The following DIAPH2 variants were observed in gnomAD, a reference collection of about 807,000 sequenced individuals.
DIAPH2 encodes the protein diaphanous related formin 2.
Under a neutral mutation model 92.7 loss-of-function variants are expected in DIAPH2, and 35 were observed. The ratio of observed to expected loss-of-function variants is 0.38; its 90% CI spans 0.29 to 0.50. DIAPH2 has a LOEUF of 0.50. DIAPH2 is among the 20% of genes least tolerant of loss of function. The probability of loss-of-function intolerance (pLI) is 0.94; values close to 1 mark genes in which losing one functional copy is unlikely to be tolerated. For missense variants in DIAPH2, 701 were observed against 819.5 expected (o/e 0.86, Z 1.77); for synonymous variants, 301 against 280.4 (o/e 1.07, Z -0.73).
chrX:97,368,899 C>CTTTTTTTTTTTTTTTTTTTTTT, intron 24 of DIAPH2, among the ~76,000 whole-genome samples: 1 of 52,071 alleles, frequency 1.9e-5, no homozygotes, highest in East Asian at 7.7e-4. Context: ...TCTACCCTTT[C>CTTTTTTTTTTTTTTTTTTTTTT]TTTTTTTTTT....
At chrX:97,405,972 T>TCTCCCTGGGCATCCAGGGC (rs1277981029) in intron 25 of DIAPH2, among the ~76,000 whole-genome samples, 8 of 111,569 alleles carry the variant, frequency 7.2e-5, no homozygotes, top group African/African-American at 1.6e-4. Context: ...AGGAAAACCC[T>TCTCCCTGGGCATCCAGGGC]CTCCCTGGGC....
At chrX:97,237,817 G>A (rs963068514) in intron 22 of DIAPH2, among the ~76,000 whole-genome samples, 4 of 110,596 alleles carry the variant, frequency 3.6e-5, no homozygotes, top group Non-Finnish European at 7.6e-5. Flanking sequence ...TCCTGACCTC[G>A]TGATCCACCC....
rs762510335 is a variant in DIAPH2 at position 96,687,847 on chromosome X, T to C, written c.132+2657T>C. Among the ~76,000 whole-genome samples the C allele has an allele frequency of 2.7e-5, 3 of 111,841 alleles. No homozygotes were observed. The East Asian group carries it at 8.3e-4, about 31-fold the overall frequency. On this transcript the variant is annotated intron_variant, in intron 1 of 26. Transcript: ENST00000324765. The stretch of plus-strand genomic sequence containing the variant: ...GCATCCTCATAATGACCCTTTTGTT[T>C]TGATTCTTTTAAAATAAGGCATTCC...
intron 26 of DIAPH2, among the ~76,000 whole-genome samples, chrX:97,561,270 G>A (rs1394335166): frequency 8.9e-6 from 1 of 112,147 alleles, no homozygotes; most frequent in Non-Finnish European, 1.9e-5. Context: ...ATAGACATAT[G>A]AGTAGGACCA....
intron 2 of DIAPH2, among the ~76,000 whole-genome samples, chrX:96,736,024 G>A (rs996016501): frequency 9.0e-6 from 1 of 111,600 alleles, no homozygotes; most frequent in African/African-American, 3.3e-5. Flanking sequence ...TTAACCAAAT[G>A]TTTTTTAAAA....
Position 97,259,082 on chromosome X carries a change from C to T in DIAPH2, c.2844+11243C>T, listed in dbSNP as rs563810204. Among the ~76,000 whole-genome samples, 5 of 109,670 alleles carry T rather than the reference C, an allele frequency of 4.6e-5. No homozygotes were observed. In the South Asian group the frequency reaches 2.0e-3, roughly 44 times the overall value. On this transcript the variant is annotated intron_variant, in intron 23 of 26. Transcript: ENST00000324765. ...CAGCCTGGTGAACATGGTGAAAACC[C>T]GTCTCTACTAAAAATACAAAAATTA...
intron 22 of DIAPH2, among the ~76,000 whole-genome samples, chrX:97,185,208 G>A (rs1216700030): frequency 5.4e-5 from 5 of 91,871 alleles, no homozygotes; most frequent in African/African-American, 8.0e-5. Flanking sequence ...GCTGAGGCAC[G>A]AGAATCGCCT....
intron 23 of DIAPH2, chrX:97,341,379 C>T (rs1368048619): frequency 4.5e-5 from 5 of 110,558 alleles, no homozygotes; most frequent in African/African-American, 1.3e-4. Context: ...TTCTTTAAAC[C>T]GTATTCTTAA....
At chrX:97,513,960 A>G (rs567616573) in intron 26 of DIAPH2, among the ~76,000 whole-genome samples, 2,789 of 104,061 alleles carry the variant, frequency 0.027, 63 homozygotes, top group South Asian at 0.041. Flanking sequence ...CTTCATTTCA[A>G]CTTTGGTGAA....
At chrX:96,808,981 A>T (rs897109522) in intron 4 of DIAPH2, among the ~76,000 whole-genome samples, 17 of 111,932 alleles carry the variant, frequency 1.5e-4, no homozygotes, top group Non-Finnish European at 3.2e-4. Context: ...TGCTTGGTAA[A>T]GATGTTATTA....
Position 97,599,290 on chromosome X carries a change from C to T in DIAPH2, c.3279C>T (p.Arg1093=), listed in dbSNP as rs1206777344. Residue 1093 remains arginine, a synonymous_variant, in exon 27 of 27, where the codon CGC becomes CGT. Coordinates refer to ENST00000324765, the MANE Select transcript of DIAPH2 (RefSeq NM_006729.5). ...TACCTTTGGAAAGGTCACGCTCTCG[C>T]CACAATGGAGCTATCTCATCTAAGT... is the stretch of plus-strand genomic sequence containing the variant. The part of the protein sequence containing the change: ...RRVPLERSRS[R]HNGAISSK 2 of 1,193,297 alleles carry T rather than the reference C, an allele frequency of 1.7e-6. No individual in the cohort carries two copies. The highest frequency in any genetic ancestry group is 2.3e-6 in the Non-Finnish European group (2 of 882,847).
chrX:97,364,993 G>T (rs149875024), intron 24 of DIAPH2, among the ~76,000 whole-genome samples: 203 of 110,475 alleles, frequency 1.8e-3, no homozygotes, highest in African/African-American at 6.6e-3. Context: ...ATATTCAAAA[G>T]GGAACTCATT....
intron 3 of DIAPH2, among the ~76,000 whole-genome samples, chrX:96,741,005 G>C (rs763203511): frequency 2.0e-4 from 22 of 110,107 alleles, no homozygotes; most frequent in African/African-American, 7.3e-4. Context: ...ATTCAGAAGA[G>C]AACTTCCACA....
At position 97,514,392 on chromosome X, in the gene DIAPH2, T is replaced by A. The variant is rs1465016012; in HGVS notation, c.3241+84647T>A. ...CTTTAAGCACTTCTCTGTATTGGTT[T>A]TTCTAGTTATACATTCTTCTAAATT... On this transcript the variant is annotated intron_variant, in intron 26 of 26. Coordinates refer to ENST00000324765, the MANE Select transcript of DIAPH2 (RefSeq NM_006729.5). Among the ~76,000 whole-genome samples, 29 of 111,622 alleles carry A rather than the reference T, an allele frequency of 2.6e-4. No homozygotes were observed. In the South Asian group the frequency reaches 3.7e-3, roughly 14 times the overall value.
chrX:97,570,361 T>A (rs2071362399), intron 26 of DIAPH2, among the ~76,000 whole-genome samples: 1 of 105,542 alleles, frequency 9.5e-6, no homozygotes, highest in Admixed American at 1.1e-4. Flanking sequence ...TCTGCTTGAC[T>A]CTATGATGAG....
chrX:97,443,329 A>C (rs188198932), intron 26 of DIAPH2, among the ~76,000 whole-genome samples: 76 of 111,954 alleles, frequency 6.8e-4, no homozygotes, highest in East Asian at 5.6e-4. Context: ...CTCAAAGTCA[A>C]CTCTCTTAAA....
At chrX:97,413,765 CAG>C (rs1252302608) in intron 25 of DIAPH2, among the ~76,000 whole-genome samples, 1 of 111,513 alleles carries the variant, frequency 9.0e-6, no homozygotes, top group Non-Finnish European at 1.9e-5. Context: ...AACAGACAAA[CAG>C]AGAGCCAAAT....
At chrX:97,127,345 A>T (rs773056144) in intron 21 of DIAPH2, among the ~76,000 whole-genome samples, 20 of 112,079 alleles carry the variant, frequency 1.8e-4, no homozygotes, top group Non-Finnish European at 3.2e-4. Context: ...GATTTAAGCA[A>T]CTAGCTAGAT....
chrX:97,469,769 G>T, intron 26 of DIAPH2: 1 of 1,197,773 alleles, frequency 8.3e-7, no homozygotes, highest in Non-Finnish European at 1.1e-6. Context: ...TTTTAAACAG[G>T]ATTGGGTGAT....
Sources: allele counts gnomAD v4.1 joint callset (sites outside exome capture counted in the v4.1 genomes callset), GRCh38; gene constraint gnomAD v4.1.1; transcripts MANE v1.5; gene names NCBI Gene and HGNC (gene_info 2026-07-23, HGNC 2026-07-21).